The following EPHB2 variants were observed in gnomAD, a reference collection of about 807,000 sequenced individuals.
EPHB2 encodes ephrin type-B receptor 2.
In EPHB2, 18 loss-of-function variants were observed where a neutral mutation model predicts 96.4. The ratio of observed to expected loss-of-function variants is 0.19; its 90% CI spans 0.13 to 0.28. The LOEUF is 0.28. EPHB2 is among the 10% of genes least tolerant of loss of function. The pLI is 1.00. For missense variants in EPHB2, 989 were observed against 1,355.4 expected, an observed-to-expected ratio of 0.73 and a Z score of 4.25; for synonymous variants, 506 against 534.1, an observed-to-expected ratio of 0.95 and a Z score of 0.72.
chr1:22,785,109 A>G lies in EPHB2; in HGVS notation c.811+33A>G, dbSNP rs767709553. The G allele has an allele frequency of 3.4e-5, 55 of 1,612,190 alleles. No homozygotes were observed. The African/African-American group carries it at 6.5e-4, about 19-fold the overall frequency. ...CCAGGGTGGGGCACGTGCCCCTGCAAATGCATAGAACTGGTCTTGGCTGCA... is the reference window on the plus strand; with the variant it reads ...CCAGGGTGGGGCACGTGCCCCTGCAGATGCATAGAACTGGTCTTGGCTGCA... On this transcript the variant is annotated intron_variant, in intron 3 of 15. Transcript: ENST00000374630.
chr1:22,830,588 C>T (rs977578544), intron 3 of EPHB2, among the ~76,000 whole-genome samples: 5 of 152,148 alleles, frequency 3.3e-5, no homozygotes, highest in African/African-American at 9.7e-5. Context: ...TTGTTTGAGA[C>T]GGAGTCTTGC....
chr1:22,898,131 A>C (rs1171668132), intron 9 of EPHB2, among the ~76,000 whole-genome samples: 7 of 151,904 alleles, frequency 4.6e-5, no homozygotes, highest in African/African-American at 1.7e-4. Context: ...AAAAAAAAAA[A>C]AAACAAAAGA....
chr1:22,784,492 AG>A lies in EPHB2; in HGVS notation c.228del (p.Lys76AsnfsTer15). 1 of 1,613,910 alleles carries A rather than the reference AG, an allele frequency of 6.2e-7. No homozygotes were observed. The highest frequency in any genetic ancestry group is 8.5e-7 in the Non-Finnish European group (1 of 1,179,754). ...ESSQNNWLRT[K>X]FIRRRGAHRI... Reference sequence around the variant, plus strand: ...AGCCAGAACAACTGGCTACGGACCAAGTTTATCCGGCGCCGTGGCGCCCACC... The same window carrying A: ...AGCCAGAACAACTGGCTACGGACCAATTTATCCGGCGCCGTGGCGCCCACC... On this transcript the variant is annotated frameshift_variant, in exon 3 of 16. Transcript: ENST00000374630. LOFTEE classifies it high-confidence loss of function. The surrounding 1 kb of genome is among the most constrained non-coding windows in gnomAD (Gnocchi z 5.1).
At chr1:22,806,765 T>G (rs558775770) in intron 3 of EPHB2, among the ~76,000 whole-genome samples, 1 of 152,354 alleles carries the variant, frequency 6.6e-6, no homozygotes, top group South Asian at 2.1e-4. Flanking sequence ...GGAAATCTCT[T>G]TTGTCAAAGC....
chr1:22,766,191 A>G (rs1644305824), intron 1 of EPHB2, among the ~76,000 whole-genome samples: 1 of 152,178 alleles, frequency 6.6e-6, no homozygotes, highest in Non-Finnish European at 1.5e-5. Flanking sequence ...TCAGAGTCCC[A>G]GCACTACCAC....
chr1:22,788,753 G>GT (rs66554696), intron 3 of EPHB2, among the ~76,000 whole-genome samples: 86 of 134,162 alleles, frequency 6.4e-4, no homozygotes, highest in African/African-American at 2.4e-3. Flanking sequence ...TTTTGTTTTT[G>GT]TTTTTTTTTT....
intron 13 of EPHB2, 131 bp from the exon 14 acceptor site, chr1:22,910,251 G>A: frequency 8.7e-7 from 1 of 1,151,702 alleles, no homozygotes. Context: ...CTGCCTCCAG[G>A]AGGTGAAAGT....
chr1:22,910,259 A>C (rs2124127633), intron 13 of EPHB2, 123 bp from the exon 14 acceptor site: 3 of 1,263,226 alleles, frequency 2.4e-6, no homozygotes, highest in East Asian at 4.9e-5. Flanking sequence ...AGGAGGTGAA[A>C]GTGGTTGCCA....
chr1:22,729,866 C>G (rs1389032483), intron 1 of EPHB2, among the ~76,000 whole-genome samples: 1 of 152,244 alleles, frequency 6.6e-6, no homozygotes, highest in African/African-American at 2.4e-5. Flanking sequence ...GCATAGCGCC[C>G]AGCCCCTAGT....
rs58095080 is a variant in EPHB2 at position 22,736,899 on chromosome 1, G to A, written c.61+25856G>A. 9.0e-3 allele frequency among the ~76,000 whole-genome samples: 1,365 copies of A among 152,272 alleles called. 22 individuals are homozygous for A. Among genetic ancestry groups the A allele is most frequent in the African/African-American group, 0.032 (1,313 of 41,558 alleles). On this transcript the variant is annotated intron_variant, in intron 1 of 15. Coordinates refer to ENST00000374630, the MANE Select transcript of EPHB2 (RefSeq NM_017449.5). ...ACCTGGGGAGGAGGGGAGACTGGGGGAGACCGATTGGCTCGGATCAGCCGC... is the reference window on the plus strand; with the variant it reads ...ACCTGGGGAGGAGGGGAGACTGGGGAAGACCGATTGGCTCGGATCAGCCGC...
intron 6 of EPHB2, among the ~76,000 whole-genome samples, chr1:22,889,242 GGTT>G (rs1639319018): frequency 6.6e-6 from 1 of 152,176 alleles, no homozygotes; most frequent in African/African-American, 2.4e-5. Flanking sequence ...GAGCTGCTCA[GGTT>G]GGTTCCTCAC....
chr1:22,794,761 T>A (rs1644743443), intron 3 of EPHB2, among the ~76,000 whole-genome samples: 1 of 152,154 alleles, frequency 6.6e-6, no homozygotes, highest in Non-Finnish European at 1.5e-5. Flanking sequence ...AGCCCTGCAC[T>A]GTCCTCTCTC....
At chr1:22,807,501 G>C (rs1035632210) in intron 3 of EPHB2, among the ~76,000 whole-genome samples, 1 of 152,142 alleles carries the variant, frequency 6.6e-6, no homozygotes, top group Non-Finnish European at 1.5e-5. Flanking sequence ...ACGCATATGA[G>C]GAGCCCAGCC....
At chr1:22,883,734 CACTT>C (rs1639125836) in intron 6 of EPHB2, among the ~76,000 whole-genome samples, 1 of 152,196 alleles carries the variant, frequency 6.6e-6, no homozygotes, top group African/African-American at 2.4e-5. Context: ...GCCTTTCAAA[CACTT>C]ACCCAGCCTT....
chr1:22,731,317 C>G (rs561730282), intron 1 of EPHB2, among the ~76,000 whole-genome samples: 4 of 152,128 alleles, frequency 2.6e-5, no homozygotes, highest in Non-Finnish European at 5.9e-5. Context: ...CGACTGTGCA[C>G]AAGGCCCCTT....
chr1:22,787,782 G>T (rs1214045407), intron 3 of EPHB2, among the ~76,000 whole-genome samples: 1 of 152,132 alleles, frequency 6.6e-6, no homozygotes, highest in Non-Finnish European at 1.5e-5. Context: ...AGTTTCTGAG[G>T]GTCAGGAATC....
At chr1:22,820,522 G>T (rs1013825467) in intron 3 of EPHB2, among the ~76,000 whole-genome samples, 2 of 152,196 alleles carry the variant, frequency 1.3e-5, no homozygotes, top group South Asian at 2.1e-4. Context: ...AATTAGCCGG[G>T]TGTGGTGGTG....
intron 3 of EPHB2, among the ~76,000 whole-genome samples, chr1:22,803,503 A>C (rs1309601096): frequency 6.6e-6 from 1 of 151,796 alleles, no homozygotes; most frequent in Non-Finnish European, 1.5e-5. Flanking sequence ...GCTACTAGGG[A>C]GGCTGAGGTG....
At chr1:22,727,798 A>C (rs1454472724) in intron 1 of EPHB2, among the ~76,000 whole-genome samples, 51 of 78,524 alleles carry the variant, frequency 6.5e-4, no homozygotes, top group African/African-American at 2.0e-3. Context: ...AAAAAAAACA[A>C]AAAAAAAAAA....
Sources: gnomAD v4.1 joint callset for allele counts (sites outside exome capture counted in the v4.1 genomes callset) on GRCh38, gnomAD v4.1.1 for gene constraint, Gnocchi (gnomAD v3.1) non-coding constraint, MANE v1.5 for transcripts, NCBI Gene and HGNC (gene_info 2026-07-23, HGNC 2026-07-21) for gene names.